Variants in ARFIP1 observed in about 807,000 individuals in gnomAD.
The protein encoded by ARFIP1 is ARF interacting protein 1.
In ARFIP1, 24 loss-of-function variants were observed where a neutral mutation model predicts 42.5. The observed-to-expected ratio is 0.57, with a 90% CI of 0.41 to 0.80. The LOEUF is 0.80. Ranked by LOEUF, ARFIP1 falls within the 30% of genes least tolerant of loss-of-function variation. The probability of loss-of-function intolerance (pLI) is 0.00; values close to 1 mark genes in which losing one functional copy is unlikely to be tolerated. For synonymous variants in ARFIP1, 141 were observed against 153.7 expected (o/e 0.92, Z 0.61); for missense variants, 354 against 434.0 (o/e 0.82, Z 1.64).
At chr4:152,789,146 A>G (rs1006770441) in intron 1 of ARFIP1, among the ~76,000 whole-genome samples, 3 of 130,128 alleles carry the variant, frequency 2.3e-5, no homozygotes, top group Non-Finnish European at 4.6e-5. Flanking sequence ...GCTGGAGTGC[A>G]GTAACGCAAT....
intron 8 of ARFIP1, among the ~76,000 whole-genome samples, chr4:152,904,414 A>G (rs937279195): frequency 6.6e-6 from 1 of 150,758 alleles, no homozygotes; most frequent in African/African-American, 2.4e-5. Context: ...ATGGTCTTGA[A>G]CTCCAGACCT....
At chr4:152,869,715 C>T (rs576821701) in intron 3 of ARFIP1, among the ~76,000 whole-genome samples, 78 of 152,064 alleles carry the variant, frequency 5.1e-4, no homozygotes, top group Non-Finnish European at 1.0e-3. Context: ...AAGCATGAGC[C>T]GCCGCTCTCA....
In ARFIP1 at chr4:152,910,842, A is replaced by G. The variant is rs1422895138; in HGVS notation, c.*623A>G. 6.6e-6 allele frequency: 1 copy of G among 152,238 alleles called. No individual in the cohort carries two copies. The highest frequency in any genetic ancestry group is 1.5e-5 in the Non-Finnish European group (1 of 68,016). 9.4% of individuals were successfully genotyped at this position (152,238 alleles called of 1,614,324 possible). Reference sequence around the variant, plus strand: ...TTTTTTTTAAAGACACAGAAATCACACTGTCATTTCTGTGAGGCTTTTAAG... The same window carrying G: ...TTTTTTTTAAAGACACAGAAATCACGCTGTCATTTCTGTGAGGCTTTTAAG... On this transcript the variant is annotated 3_prime_UTR_variant, in exon 9 of 9. Coordinates refer to ENST00000353617, the MANE Select transcript of ARFIP1 (RefSeq NM_001025595.3).
intron 2 of ARFIP1, among the ~76,000 whole-genome samples, chr4:152,846,046 C>G (rs999953101): frequency 6.6e-6 from 1 of 152,126 alleles, no homozygotes; most frequent in Non-Finnish European, 1.5e-5. Flanking sequence ...TTTGCAGGAA[C>G]ATGGATGCAA....
chr4:152,905,167 A>G (rs553027383), intron 8 of ARFIP1, among the ~76,000 whole-genome samples: 1 of 152,318 alleles, frequency 6.6e-6, no homozygotes, highest in South Asian at 2.1e-4. Flanking sequence ...ATGAACTTTC[A>G]TGTAGAAGTC....
chr4:152,893,146 T>A (rs1737003542), intron 8 of ARFIP1, among the ~76,000 whole-genome samples: 1 of 152,170 alleles, frequency 6.6e-6, no homozygotes, highest in Non-Finnish European at 1.5e-5. Flanking sequence ...ATGGTGCAGG[T>A]ATATAGTACT....
chr4:152,875,798 A>T (rs55968215), intron 5 of ARFIP1, among the ~76,000 whole-genome samples: 4,075 of 151,132 alleles, frequency 0.027, 98 homozygotes, highest in South Asian at 0.11. Context: ...TCTCAACTCC[A>T]GTTGTATCTC....
At chr4:152,794,433 A>G (rs1265843485) in intron 1 of ARFIP1, among the ~76,000 whole-genome samples, 1 of 152,272 alleles carries the variant, frequency 6.6e-6, no homozygotes, top group East Asian at 1.9e-4. Flanking sequence ...CAAGAATACC[A>G]CAAAAATGAT....
At position 152,816,255 on chromosome 4, in the gene ARFIP1, C is replaced by T. The variant is rs539421809; in HGVS notation, c.-9-13370C>T. 2.0e-5 allele frequency among the ~76,000 whole-genome samples: 3 copies of T among 152,354 alleles called. No individual in the cohort carries two copies. The East Asian group carries it at 5.8e-4, about 29-fold the overall frequency. ...TGTTCAAAACTCTCAGCTAGATTTTCATCTTACTCAGAATAAAATCCAGAG... is the reference window on the plus strand; with the variant it reads ...TGTTCAAAACTCTCAGCTAGATTTTTATCTTACTCAGAATAAAATCCAGAG... On this transcript the variant is annotated intron_variant, in intron 1 of 8. Transcript: ENST00000353617.
In ARFIP1 at chr4:152,900,916, G is replaced by A. The variant is rs2149909186; in HGVS notation, c.967-9148G>A. Among the ~76,000 whole-genome samples the A allele has an allele frequency of 1.3e-5, 2 of 152,204 alleles. 1 individual carries two copies. Among genetic ancestry groups the A allele is most frequent in the South Asian group, 4.2e-4 (2 of 4,818 alleles). ...ATTTAATATAAACCCCTATTTCATA[G>A]AATTATTGGGAAAGCCAGTAACTGC... is the stretch of plus-strand genomic sequence containing the variant. On this transcript the variant is annotated intron_variant, in intron 8 of 8. Transcript: ENST00000353617.
chr4:152,791,717 C>T (rs1731153236), intron 1 of ARFIP1, among the ~76,000 whole-genome samples: 1 of 152,032 alleles, frequency 6.6e-6, no homozygotes, highest in African/African-American at 2.4e-5. Context: ...TTGGGACCTA[C>T]AAATAAGTAT....
At chr4:152,896,991 T>A (rs1470924282) in intron 8 of ARFIP1, among the ~76,000 whole-genome samples, 1 of 152,224 alleles carries the variant, frequency 6.6e-6, no homozygotes, top group Non-Finnish European at 1.5e-5. Flanking sequence ...TACCTTTCAT[T>A]TACAGAAGAA....
At chr4:152,897,539 A>G (rs1004647614) in intron 8 of ARFIP1, among the ~76,000 whole-genome samples, 1 of 152,120 alleles carries the variant, frequency 6.6e-6, no homozygotes, top group African/African-American at 2.4e-5. Flanking sequence ...GTAGGATTAG[A>G]GTTTCTTATT....
chr4:152,805,520 G>T (rs1159313056), intron 1 of ARFIP1, among the ~76,000 whole-genome samples: 2 of 152,176 alleles, frequency 1.3e-5, no homozygotes, highest in African/African-American at 4.8e-5. Context: ...TTCTGACCTG[G>T]AAATTTGATC....
At position 152,882,822 on chromosome 4, in the gene ARFIP1, T is replaced by C; in HGVS notation, c.733T>C (p.Leu245=). 1 of 1,611,710 alleles carries C rather than the reference T, an allele frequency of 6.2e-7. No individual in the cohort carries two copies. Among genetic ancestry groups the C allele is most frequent in the East Asian group, 2.2e-5 (1 of 44,836 alleles). ...INFFIASVNT[L]VNKTIEDTLM... The stretch of plus-strand genomic sequence containing the variant: ...TTTTTTCATTGCTAGTGTGAACACT[T>C]TGGTGAATAAAACCATTGAAGATAC... The change falls in exon 7 of 9, where the codon TTG becomes CTG. Residue 245 remains leucine, a synonymous_variant. Coordinates refer to ENST00000353617, the MANE Select transcript of ARFIP1 (RefSeq NM_001025595.3).
chr4:152,834,966 C>G (rs1370073547), intron 2 of ARFIP1, among the ~76,000 whole-genome samples: 1 of 152,196 alleles, frequency 6.6e-6, no homozygotes, highest in African/African-American at 2.4e-5. Flanking sequence ...GGAGCAGTGT[C>G]CCAAGGTTGC....
chr4:152,827,528 T>G (rs1187472900), intron 1 of ARFIP1, among the ~76,000 whole-genome samples: 1 of 152,184 alleles, frequency 6.6e-6, no homozygotes, highest in Non-Finnish European at 1.5e-5. Flanking sequence ...ACAGAAAAGT[T>G]TCTCTGCCTT....
intron 1 of ARFIP1, among the ~76,000 whole-genome samples, chr4:152,815,648 C>T (rs1323737681): frequency 6.6e-6 from 1 of 152,126 alleles, no homozygotes; most frequent in Admixed American, 6.6e-5. Context: ...GAGAGTTATC[C>T]CTGACTTCTC....
chr4:152,894,251 C>CT (rs34976759), intron 8 of ARFIP1, among the ~76,000 whole-genome samples: 1 of 151,038 alleles, frequency 6.6e-6, no homozygotes, highest in African/African-American at 2.4e-5. Flanking sequence ...AAGCCTAGTA[C>CT]TTTTTTGTAA....
Sources: gnomAD v4.1 joint callset for allele counts (sites outside exome capture counted in the v4.1 genomes callset) on GRCh38, gnomAD v4.1.1 for gene constraint, MANE v1.5 for transcripts, NCBI Gene and HGNC (gene_info 2026-07-23, HGNC 2026-07-21) for gene names.